Variants in DDHD1 observed in about 807,000 individuals in gnomAD.
DDHD1 encodes the protein phospholipase DDHD1.
Under a neutral mutation model 96.4 loss-of-function variants are expected in DDHD1, and 49 were observed. That is an observed-to-expected ratio of 0.51 (90% CI 0.40 to 0.64). DDHD1 has a LOEUF of 0.64. Among genes scored for constraint, DDHD1 ranks in the 30% least tolerant of loss-of-function variants. The pLI is 0.00. For missense variants in DDHD1, 1,106 were observed against 1,161.2 expected (o/e 0.95, Z 0.69); for synonymous variants, 442 against 446.5 (o/e 0.99, Z 0.13).
At position 53,039,492 on chromosome 14, in the gene DDHD1, G is replaced by A. The variant is rs140277412; in HGVS notation, c.*7276C>T. 1 of 152,218 alleles carries A rather than the reference G, an allele frequency of 6.6e-6. No individual in the cohort carries two copies. Among genetic ancestry groups the A allele is most frequent in the African/African-American group, 2.4e-5 (1 of 41,410 alleles). 9.4% of individuals were successfully genotyped at this position (152,218 alleles called of 1,614,324 possible). A position where few individuals can be genotyped will look rare whatever the true frequency, so the allele number is the denominator to read the frequency against. ...TACAGACAGTGCTGATTGAGCTGCT[G>A]GTGCTTACAGGGACTCACACAAAGC... On this transcript the variant is annotated 3_prime_UTR_variant, in exon 13 of 13. Transcript: ENST00000673822.
At chr14:53,079,007 T>C (rs1885206982) in intron 4 of DDHD1, among the ~76,000 whole-genome samples, 1 of 152,100 alleles carries the variant, frequency 6.6e-6, no homozygotes, top group African/African-American at 2.4e-5. Flanking sequence ...GTGGATTACC[T>C]TGATTAAAAA....
At chr14:53,096,743 TTC>T (rs1886914566) in intron 2 of DDHD1, among the ~76,000 whole-genome samples, 1 of 151,844 alleles carries the variant, frequency 6.6e-6, no homozygotes, top group East Asian at 1.9e-4. Flanking sequence ...AAAAAAAAAA[TTC>T]TTTTCTCAAC....
At chr14:53,064,441 G>GA (rs1883852004) in intron 6 of DDHD1, among the ~76,000 whole-genome samples, 1 of 151,844 alleles carries the variant, frequency 6.6e-6, no homozygotes, top group African/African-American at 2.4e-5. Context: ...CCATATTAAA[G>GA]TTTGTTAAAA....
chr14:53,071,111 A>G (rs1884472329), intron 6 of DDHD1, among the ~76,000 whole-genome samples: 1 of 152,144 alleles, frequency 6.6e-6, no homozygotes. Context: ...TAATCTTTAC[A>G]AGAATGCTAT....
intron 8 of DDHD1, 77 bp from the exon 9 acceptor site, chr14:53,058,703 A>G: frequency 1.6e-6 from 2 of 1,262,546 alleles, no homozygotes; most frequent in Non-Finnish European, 2.2e-6. Context: ...ATAACGTAAT[A>G]TATGGCAAAA....
At chr14:53,149,130 TCTC>T (rs1382766878) in intron 1 of DDHD1, among the ~76,000 whole-genome samples, 1 of 152,244 alleles carries the variant, frequency 6.6e-6, no homozygotes, top group Admixed American at 6.5e-5. Context: ...CAAATTCTGT[TCTC>T]CTTTCTGATT....
chr14:53,040,874 G>C lies in DDHD1; in HGVS notation c.*5894C>G, dbSNP rs1200899002. The C allele has an allele frequency of 6.6e-6, 1 of 152,054 alleles. No homozygotes were observed. Among genetic ancestry groups the C allele is most frequent in the Non-Finnish European group, 1.5e-5 (1 of 68,016 alleles). The allele number at this position is 152,054 out of a possible 1,614,324, so 9.4% of individuals were successfully genotyped here. A position where few individuals can be genotyped will look rare whatever the true frequency, so the allele number is the denominator to read the frequency against. On this transcript the variant is annotated 3_prime_UTR_variant, in exon 13 of 13. Coordinates refer to ENST00000673822, the MANE Select transcript of DDHD1 (RefSeq NM_001160148.2). ...TAGGAGCTGAAAGAAAGGAAACAAG[G>C]GTCTCAGGAGAGTTATGGTGCCAGC...
intron 2 of DDHD1, among the ~76,000 whole-genome samples, chr14:53,101,310 C>G (rs1445418248): frequency 6.6e-6 from 1 of 151,992 alleles, no homozygotes; most frequent in Non-Finnish European, 1.5e-5. Context: ...ACACAATTTC[C>G]CATAATTTTC....
intron 1 of DDHD1, among the ~76,000 whole-genome samples, chr14:53,151,510 T>C (rs1354150634): frequency 2.0e-5 from 3 of 152,204 alleles, no homozygotes; most frequent in African/African-American, 4.8e-5. Context: ...GTACCAACCA[T>C]AGTTCCAAGC....
chr14:53,100,345 G>A (rs1054039608), intron 2 of DDHD1, among the ~76,000 whole-genome samples: 2 of 152,042 alleles, frequency 1.3e-5, no homozygotes, highest in Non-Finnish European at 2.9e-5. Context: ...GCCTGGTGTG[G>A]TAGTGTACAC....
intron 12 of DDHD1, among the ~76,000 whole-genome samples, chr14:53,051,170 C>T (rs17126076): frequency 0.059 from 8,781 of 149,390 alleles, 329 homozygotes; most frequent in South Asian, 0.15. Flanking sequence ...AGCCCTGTAA[C>T]GTGTTTTGTC....
At chr14:53,107,929 C>T (rs898062039) in intron 1 of DDHD1, among the ~76,000 whole-genome samples, 32 of 152,144 alleles carry the variant, frequency 2.1e-4, no homozygotes, top group African/African-American at 7.5e-4. Context: ...AAAGAAATAG[C>T]CAATCATCTA....
Position 53,041,443 on chromosome 14 carries a change from A to G in DDHD1, c.*5325T>C, listed in dbSNP as rs2139787835. On this transcript the variant is annotated 3_prime_UTR_variant, in exon 13 of 13. Transcript: ENST00000673822. The stretch of plus-strand genomic sequence containing the variant: ...ACACAATAGTAAAAACTCTTCTCAT[A>G]GTCTCCAAAAAGGATAGTACTTAAA... 6.6e-6 allele frequency: 1 copy of G among 152,256 alleles called. No individual in the cohort carries two copies. Among genetic ancestry groups the G allele is most frequent in the African/African-American group, 2.4e-5 (1 of 41,538 alleles). The allele number at this position is 152,256 out of a possible 1,614,324, so 9.4% of individuals were successfully genotyped here.
At chr14:53,056,278 CTATT>C (rs1235350918) in intron 9 of DDHD1, among the ~76,000 whole-genome samples, 2 of 152,052 alleles carry the variant, frequency 1.3e-5, no homozygotes, top group East Asian at 1.9e-4. Context: ...TTTAGGAGCT[CTATT>C]TAAGCTCTGT....
At chr14:53,111,290 T>G (rs1888084052) in intron 1 of DDHD1, among the ~76,000 whole-genome samples, 1 of 152,252 alleles carries the variant, frequency 6.6e-6, no homozygotes. Context: ...CAAACCATCC[T>G]TTATGTTTTC....
At chr14:53,088,971 A>C (rs1356721040) in intron 4 of DDHD1, among the ~76,000 whole-genome samples, 1 of 152,216 alleles carries the variant, frequency 6.6e-6, no homozygotes, top group Non-Finnish European at 1.5e-5. Flanking sequence ...ACTTCAGCAA[A>C]GTCTCGGGAT....
chr14:53,046,667 C>A lies in DDHD1; in HGVS notation c.*101G>T. ...CAAATATATGTTGCCCTAAAGAAAA[C>A]TGAAATATACTTTAACCCTGAAATC... On this transcript the variant is annotated 3_prime_UTR_variant, in exon 13 of 13. Transcript: ENST00000673822. 1 of 764,052 alleles carries A rather than the reference C, an allele frequency of 1.3e-6. No homozygotes were observed. The highest frequency in any genetic ancestry group is 1.9e-6 in the Non-Finnish European group (1 of 516,418). The allele number at this position is 764,052 out of a possible 1,614,324, so 47.3% of individuals were successfully genotyped here.
chr14:53,124,872 A>T (rs74051110), intron 1 of DDHD1, among the ~76,000 whole-genome samples: 11,722 of 152,216 alleles, frequency 0.077, 1,185 homozygotes, highest in African/African-American at 0.23. Context: ...TATAAGTCCA[A>T]GATTAAGGTG....
At chr14:53,133,235 G>C (rs1890001175) in intron 1 of DDHD1, among the ~76,000 whole-genome samples, 1 of 152,260 alleles carries the variant, frequency 6.6e-6, no homozygotes. Flanking sequence ...CCCAGGACTG[G>C]CAAATTGACT....
Sources: allele counts gnomAD v4.1 joint callset (sites outside exome capture counted in the v4.1 genomes callset), GRCh38; gene constraint gnomAD v4.1.1; transcripts MANE v1.5; gene names NCBI Gene and HGNC (gene_info 2026-07-23, HGNC 2026-07-21).